Variants in GLIS3 observed in about 807,000 individuals in gnomAD.
GLIS3 encodes the protein zinc finger protein GLIS3.
GLIS3 carries 53 observed loss-of-function variants against 78.6 expected under a neutral mutation model. That is an observed-to-expected ratio of 0.67 (90% CI 0.54 to 0.85). The LOEUF (loss-of-function observed/expected upper bound fraction) is 0.85, where lower values mean the gene tolerates loss of function less well. Among genes scored for constraint, GLIS3 ranks in the 40% least tolerant of loss-of-function variants. The pLI is 0.00. For missense variants in GLIS3, 1,703 were observed against 1,231.1 expected, an observed-to-expected ratio of 1.38 and a Z score of -5.74; for synonymous variants, 684 against 509.9, an observed-to-expected ratio of 1.34 and a Z score of -4.60.
intron 4 of GLIS3, chr9:4,034,694 T>C (rs532909587): frequency 5.1e-4 from 77 of 152,314 alleles, no homozygotes; most frequent in African/African-American, 1.9e-3. Flanking sequence ...ACAGGAACTC[T>C]CTTTTTTGAC....
intron 2 of GLIS3, among the ~76,000 whole-genome samples, chr9:4,177,181 T>C (rs1464147684): frequency 6.6e-6 from 1 of 151,868 alleles, no homozygotes; most frequent in Non-Finnish European, 1.5e-5. Context: ...AAAATCACCA[T>C]TGCTTTAATT....
intron 4 of GLIS3, among the ~76,000 whole-genome samples, chr9:4,035,682 G>A (rs1310264960): frequency 3.3e-5 from 5 of 151,984 alleles, no homozygotes; most frequent in African/African-American, 1.2e-4. Flanking sequence ...GCACGGGTCA[G>A]GGATGGCCCC....
Position 3,824,819 on chromosome 9 carries a change from G to T in GLIS3, c.*3453C>A, listed in dbSNP as rs1048656683. 2.1e-4 allele frequency: 31 copies of T among 150,090 alleles called. No homozygotes were observed. The highest frequency in any genetic ancestry group is 7.7e-4 in the African/African-American group (31 of 40,468). The allele number at this position is 150,090 out of a possible 1,614,324, so 9.3% of individuals were successfully genotyped here. A position where few individuals can be genotyped will look rare whatever the true frequency, so the allele number is the denominator to read the frequency against. ...TTTTCCCCCAAAGTGCTTTATGTCA[G>T]CAACATTACACAGGATACTTTGCTG... On this transcript the variant is annotated 3_prime_UTR_variant, in exon 11 of 11. Coordinates refer to ENST00000381971, the MANE Select transcript of GLIS3 (RefSeq NM_001042413.2).
chr9:4,161,539 C>A lies in GLIS3; in HGVS notation c.389-35598G>T, dbSNP rs141153409. Among the ~76,000 whole-genome samples, 248 of 152,210 alleles carry A rather than the reference C, an allele frequency of 1.6e-3. 1 individual carries two copies. Among genetic ancestry groups the A allele is most frequent in the African/African-American group, 5.7e-3 (235 of 41,528 alleles). ...ACTTGTCTCTCTCCAACTCGTCCAG[C>A]CCCAGTTATTATGGTAAGAAGCAGA... On this transcript the variant is annotated intron_variant, in intron 2 of 10. Transcript: ENST00000381971.
chr9:4,470,131 C>G, the GLIS3 span, among the ~76,000 whole-genome samples: 5 of 152,116 alleles, frequency 3.3e-5, no homozygotes, highest in African/African-American at 1.2e-4. Context: ...CAACCAAAAA[C>G]AGTCCAGGAC....
intron 2 of GLIS3, among the ~76,000 whole-genome samples, chr9:4,186,383 T>G (rs1398020338): frequency 2.6e-5 from 4 of 152,022 alleles, no homozygotes; most frequent in Non-Finnish European, 4.4e-5. Flanking sequence ...CACATTTTCT[T>G]AATCCAGTCT....
intron 6 of GLIS3, among the ~76,000 whole-genome samples, chr9:3,906,627 C>T (rs1366867609): frequency 1.3e-5 from 2 of 152,142 alleles, no homozygotes; most frequent in African/African-American, 2.4e-5. Context: ...TCACAGAGCA[C>T]GATGGGGCCG....
chr9:4,413,463 T>C, the GLIS3 span, among the ~76,000 whole-genome samples: 25 of 152,152 alleles, frequency 1.6e-4, 1 homozygote, highest in Non-Finnish European at 7.4e-5. Context: ...AGCCTGCACA[T>C]TTTGAACTCT....
the GLIS3 span, among the ~76,000 whole-genome samples, chr9:4,395,398 T>G: frequency 6.6e-6 from 1 of 152,204 alleles, no homozygotes; most frequent in Non-Finnish European, 1.5e-5. Context: ...AGTGTGAACG[T>G]TTGATCCTTA....
chr9:4,237,733 C>A (rs190436699), intron 2 of GLIS3, among the ~76,000 whole-genome samples: 1 of 152,240 alleles, frequency 6.6e-6, no homozygotes, highest in Admixed American at 6.5e-5. Context: ...GCAGTATTTT[C>A]CCCACTGTTT....
chr9:4,174,289 A>C (rs1346535198), intron 2 of GLIS3, among the ~76,000 whole-genome samples: 1 of 152,356 alleles, frequency 6.6e-6, no homozygotes, highest in Middle Eastern at 3.4e-3. Flanking sequence ...CCTACTTAAA[A>C]CATAACCTGT....
Position 4,215,522 on chromosome 9 carries a change from G to C in GLIS3, c.388+70516C>G, listed in dbSNP as rs547970641. 7.9e-5 allele frequency among the ~76,000 whole-genome samples: 12 copies of C among 152,266 alleles called. 1 individual carries two copies. The East Asian group carries it at 1.5e-3, about 20-fold the overall frequency. On this transcript the variant is annotated intron_variant, in intron 2 of 10. Transcript: ENST00000381971. ...TCTTATTACAACTCTACTAAGAAAA[G>C]ATTCCTGAATTTCCCAATGCTCTGC...
At position 4,216,998 on chromosome 9, in the gene GLIS3, G is replaced by C. The variant is rs185274468; in HGVS notation, c.388+69040C>G. Among the ~76,000 whole-genome samples, 3 of 152,198 alleles carry C rather than the reference G, an allele frequency of 2.0e-5. No homozygotes were observed. The East Asian group carries it at 5.8e-4, about 29-fold the overall frequency. On this transcript the variant is annotated intron_variant, in intron 2 of 10. Coordinates refer to ENST00000381971, the MANE Select transcript of GLIS3 (RefSeq NM_001042413.2). Reference sequence around the variant, plus strand: ...AAGGAGAATGGAGCCACATTAAAGGGATTCAGCTGCTACCAGGACTTGTGG... The same window carrying C: ...AAGGAGAATGGAGCCACATTAAAGGCATTCAGCTGCTACCAGGACTTGTGG...
At chr9:4,427,150 T>C in the GLIS3 span, among the ~76,000 whole-genome samples, 1 of 152,164 alleles carries the variant, frequency 6.6e-6, no homozygotes, top group Admixed American at 6.5e-5. Context: ...TATGCATGGG[T>C]GAGAGGCGAT....
chr9:3,928,061 A>AT (rs2130761707), intron 6 of GLIS3, among the ~76,000 whole-genome samples: 1 of 152,346 alleles, frequency 6.6e-6, no homozygotes, highest in Non-Finnish European at 1.5e-5. Flanking sequence ...GTAATGCATC[A>AT]TCAACAATGA....
chr9:4,154,703 A>G (rs888553573), intron 2 of GLIS3, among the ~76,000 whole-genome samples: 1 of 152,220 alleles, frequency 6.6e-6, no homozygotes, highest in Non-Finnish European at 1.5e-5. Context: ...ATATTCTGCC[A>G]GTAGATTGAG....
chr9:4,064,719 G>A (rs1016211121), intron 4 of GLIS3, among the ~76,000 whole-genome samples: 17 of 152,152 alleles, frequency 1.1e-4, no homozygotes, highest in African/African-American at 3.9e-4. Context: ...ACCTGAAGCT[G>A]GGAGGTGGAG....
intron 2 of GLIS3, among the ~76,000 whole-genome samples, chr9:4,211,713 T>C (rs1271991781): frequency 1.3e-5 from 2 of 152,242 alleles, no homozygotes; most frequent in African/African-American, 4.8e-5. Context: ...GAAAGACTTG[T>C]ATGTGAATGT....
At chr9:4,489,533 G>C in the GLIS3 span, among the ~76,000 whole-genome samples, 450 of 152,316 alleles carry the variant, frequency 3.0e-3, 1 homozygote, top group African/African-American at 0.011. Flanking sequence ...GGGAGGGAAA[G>C]AGATTGTATA....
Sources: gnomAD v4.1 joint callset for allele counts (sites outside exome capture counted in the v4.1 genomes callset) on GRCh38, gnomAD v4.1.1 for gene constraint, MANE v1.5 for transcripts, NCBI Gene and HGNC (gene_info 2026-07-23, HGNC 2026-07-21) for gene names.